RHOBTB1: variants seen among roughly 807,000 people sequenced by gnomAD.
RHOBTB1 encodes the protein rho-related BTB domain-containing protein 1.
Under a neutral mutation model 71.6 loss-of-function variants are expected in RHOBTB1, and 40 were observed. The ratio of observed to expected loss-of-function variants is 0.56; its 90% CI spans 0.43 to 0.73. The LOEUF (loss-of-function observed/expected upper bound fraction) is 0.73. Among genes scored for constraint, RHOBTB1 ranks in the 30% least tolerant of loss-of-function variants. The probability of loss-of-function intolerance (pLI) is 0.00; values close to 1 mark genes in which losing one functional copy is unlikely to be tolerated. For synonymous variants in RHOBTB1, 319 were observed against 334.9 expected (o/e 0.95, Z 0.52); for missense variants, 797 against 894.0 (o/e 0.89, Z 1.38).
At chr10:60,983,643 C>G (rs2086573167) in intron 2 of RHOBTB1, among the ~76,000 whole-genome samples, 2 of 152,138 alleles carry the variant, frequency 1.3e-5, no homozygotes, top group Non-Finnish European at 2.9e-5. Flanking sequence ...AAGAGGAATA[C>G]ACCTAGATGC....
chr10:60,905,939 G>A (rs1010013077), intron 4 of RHOBTB1, among the ~76,000 whole-genome samples: 2 of 152,158 alleles, frequency 1.3e-5, no homozygotes, highest in Admixed American at 6.6e-5. Flanking sequence ...GGCCTCAACT[G>A]TGCATTGAGA....
intron 4 of RHOBTB1, among the ~76,000 whole-genome samples, chr10:60,895,831 A>C (rs2082138047): frequency 6.6e-6 from 1 of 152,282 alleles, no homozygotes; most frequent in Non-Finnish European, 1.5e-5. Context: ...AAGGTCTGCC[A>C]TATGAACGTA....
At chr10:60,995,074 T>A (rs1356913945) in intron 1 of RHOBTB1, among the ~76,000 whole-genome samples, 1 of 152,046 alleles carries the variant, frequency 6.6e-6, no homozygotes, top group Non-Finnish European at 1.5e-5. Flanking sequence ...CATTAAGGTG[T>A]GACTAAAGAT....
At chr10:60,919,611 T>C (rs1478976207) in intron 2 of RHOBTB1, among the ~76,000 whole-genome samples, 3 of 152,216 alleles carry the variant, frequency 2.0e-5, no homozygotes, top group African/African-American at 4.8e-5. Flanking sequence ...TTCATTGTTG[T>C]AATCAACATT....
At chr10:60,921,061 G>A (rs1340427444) in intron 2 of RHOBTB1, among the ~76,000 whole-genome samples, 1 of 151,144 alleles carries the variant, frequency 6.6e-6, no homozygotes, top group African/African-American at 2.4e-5. Context: ...GTGATTCTCT[G>A]CCTCAGCCTC....
chr10:60,973,176 T>TAAA (rs2086216601), intron 2 of RHOBTB1, among the ~76,000 whole-genome samples: 1 of 152,008 alleles, frequency 6.6e-6, no homozygotes, highest in Admixed American at 6.6e-5. Flanking sequence ...GAAAATTACT[T>TAAA]CTGAGAAAAC....
chr10:60,987,904 G>A (rs1289089292), intron 1 of RHOBTB1, among the ~76,000 whole-genome samples: 1 of 129,482 alleles, frequency 7.7e-6, no homozygotes, highest in Non-Finnish European at 1.6e-5. Context: ...GCTGTCTGCT[G>A]TCTGAAATAC....
At chr10:60,951,685 G>A (rs1479163797) in intron 2 of RHOBTB1, among the ~76,000 whole-genome samples, 1 of 152,220 alleles carries the variant, frequency 6.6e-6, no homozygotes, top group Non-Finnish European at 1.5e-5. Flanking sequence ...GAGAGGCACG[G>A]AAGCTTCATG....
intron 2 of RHOBTB1, among the ~76,000 whole-genome samples, chr10:60,956,168 C>T (rs10994581): frequency 0.51 from 77,198 of 152,008 alleles, 19,984 homozygotes; most frequent in East Asian, 0.77. Flanking sequence ...ACCTGTACAG[C>T]ATGTTACTGG....
intron 2 of RHOBTB1, among the ~76,000 whole-genome samples, chr10:60,978,918 C>A (rs1314619156): frequency 6.6e-6 from 1 of 152,052 alleles, no homozygotes; most frequent in Non-Finnish European, 1.5e-5. Flanking sequence ...TATAGAAATA[C>A]CTCCTCTTCT....
At chr10:60,885,709 C>A (rs2081536319) in intron 7 of RHOBTB1, among the ~76,000 whole-genome samples, 1 of 152,164 alleles carries the variant, frequency 6.6e-6, no homozygotes, top group Non-Finnish European at 1.5e-5. Context: ...CTGAAGAACT[C>A]TTTTCCCTTT....
At chr10:60,967,285 GTTTT>G (rs1289662635) in intron 2 of RHOBTB1, among the ~76,000 whole-genome samples, 1 of 126,670 alleles carries the variant, frequency 7.9e-6, no homozygotes, top group Non-Finnish European at 1.7e-5. Flanking sequence ...TTGTTTGCCT[GTTTT>G]TTTTTTTTTT....
At chr10:60,927,121 T>C (rs918040180) in intron 2 of RHOBTB1, among the ~76,000 whole-genome samples, 2 of 152,142 alleles carry the variant, frequency 1.3e-5, no homozygotes, top group African/African-American at 4.8e-5. Flanking sequence ...CAATTTATCA[T>C]AGCTACAAAT....
intron 1 of RHOBTB1, among the ~76,000 whole-genome samples, chr10:60,986,833 C>G (rs79191323): frequency 2.0e-5 from 3 of 151,996 alleles, no homozygotes; most frequent in African/African-American, 7.3e-5. Context: ...AATACAAAAC[C>G]AATAACTCCC....
At chr10:60,927,267 C>T (rs776061740) in intron 2 of RHOBTB1, among the ~76,000 whole-genome samples, 3 of 152,090 alleles carry the variant, frequency 2.0e-5, no homozygotes, top group Non-Finnish European at 2.9e-5. Flanking sequence ...TGTTACAATG[C>T]CCATACCACC....
Position 60,927,968 on chromosome 10 carries a change from T to A in RHOBTB1, c.-11+13836A>T, listed in dbSNP as rs141330225. On this transcript the variant is annotated intron_variant, in intron 2 of 10. Transcript: ENST00000337910. ...TTAATAACCAGAATATATGAGCAGC[T>A]CAAACAACTCAACAGAAAAAAAATC... is the stretch of plus-strand genomic sequence containing the variant. Among the ~76,000 whole-genome samples the A allele has an allele frequency of 1.1e-4, 17 of 151,684 alleles. No homozygotes were observed. The East Asian group carries it at 3.1e-3, about 28-fold the overall frequency.
At chr10:60,913,819 G>A (rs1332769040) in intron 2 of RHOBTB1, among the ~76,000 whole-genome samples, 1 of 152,118 alleles carries the variant, frequency 6.6e-6, no homozygotes, top group African/African-American at 2.4e-5. Flanking sequence ...TGGACTTTGG[G>A]CAAGTTGTTT....
the RHOBTB1 span, among the ~76,000 whole-genome samples, chr10:60,862,486 C>G: frequency 6.6e-6 from 1 of 150,722 alleles, no homozygotes; most frequent in Non-Finnish European, 1.5e-5. Context: ...GTGTGAGCCA[C>G]CATGCTCAGC....
intron 4 of RHOBTB1, among the ~76,000 whole-genome samples, chr10:60,901,753 C>T (rs572860411): frequency 6.6e-6 from 1 of 152,280 alleles, no homozygotes; most frequent in African/African-American, 2.4e-5. Context: ...GTCAAGCTTC[C>T]TGTTATTAAG....
Sources: allele counts gnomAD v4.1 joint callset (sites outside exome capture counted in the v4.1 genomes callset), GRCh38; gene constraint gnomAD v4.1.1; transcripts MANE v1.5; gene names NCBI Gene and HGNC (gene_info 2026-07-23, HGNC 2026-07-21).